Variants in ZNF892 observed in about 807,000 individuals in gnomAD.
ZNF892 encodes the protein zinc finger protein 892, also known as zinc finger protein 570-like.
At chr2:95,240,498 A>G in the ZNF892 span, among the ~76,000 whole-genome samples, 2 of 152,200 alleles carry the variant, frequency 1.3e-5, no homozygotes, top group African/African-American at 4.8e-5. Context: ...CCTAGGGTCC[A>G]ATACACAAAG....
the ZNF892 span, among the ~76,000 whole-genome samples, chr2:95,211,369 T>C: frequency 6.6e-6 from 1 of 152,224 alleles, no homozygotes; most frequent in Admixed American, 6.5e-5. Context: ...ACGTTCAAGT[T>C]TTACATTGAA....
chr2:95,215,902 A>T, the ZNF892 span, among the ~76,000 whole-genome samples: 1 of 152,226 alleles, frequency 6.6e-6, no homozygotes, highest in Non-Finnish European at 1.5e-5. Context: ...GAAACGGGAC[A>T]TCTTGACTGT....
the ZNF892 span, chr2:95,211,595 C>T: frequency 2.5e-6 from 1 of 398,394 alleles, no homozygotes; most frequent in African/African-American, 2.1e-5. Flanking sequence ...CATTGGTGAG[C>T]ACCAATGTGT....
At chr2:95,250,798 AT>A in the ZNF892 span, among the ~76,000 whole-genome samples, 1 of 145,808 alleles carries the variant, frequency 6.9e-6, no homozygotes, top group Non-Finnish European at 1.5e-5. Context: ...AATATAAAAT[AT>A]TCATAAATTA....
the ZNF892 span, among the ~76,000 whole-genome samples, chr2:95,222,109 T>C: frequency 6.6e-6 from 1 of 152,034 alleles, no homozygotes; most frequent in Admixed American, 6.6e-5. Flanking sequence ...CCTGTGCTGC[T>C]TTTTTTTAAG....
At chr2:95,255,332 A>G in the ZNF892 span, among the ~76,000 whole-genome samples, 1 of 152,062 alleles carries the variant, frequency 6.6e-6, no homozygotes, top group Admixed American at 6.5e-5. Flanking sequence ...TCATTTCGTT[A>G]CATACCCAGT....
the ZNF892 span, among the ~76,000 whole-genome samples, chr2:95,241,664 A>G: frequency 6.6e-6 from 1 of 152,190 alleles, no homozygotes; most frequent in Admixed American, 6.5e-5. Context: ...AAGAGACAGA[A>G]GTAGGCTTCA....
the ZNF892 span, among the ~76,000 whole-genome samples, chr2:95,261,845 C>T: frequency 1.5e-3 from 228 of 152,238 alleles, 7 homozygotes; most frequent in East Asian, 0.039. Flanking sequence ...TCCTCATTTG[C>T]GACTGGTCAT....
the ZNF892 span, chr2:95,214,895 T>A: frequency 2.0e-6 from 1 of 502,850 alleles, no homozygotes; most frequent in Non-Finnish European, 3.6e-6. Context: ...AAGCCTTCAG[T>A]CACCGCTCAG....
chr2:95,218,105 A>C, the ZNF892 span, among the ~76,000 whole-genome samples: 1 of 152,138 alleles, frequency 6.6e-6, no homozygotes, highest in African/African-American at 2.4e-5. Context: ...TCCCATTTAT[A>C]TTCCTGGCTT....
the ZNF892 span, among the ~76,000 whole-genome samples, chr2:95,216,384 AGAGAC>A: frequency 6.6e-6 from 1 of 152,198 alleles, no homozygotes; most frequent in Admixed American, 6.5e-5. Context: ...TGAGTACAGA[AGAGAC>A]CTTTGATGTG....
chr2:95,239,714 G>C, the ZNF892 span, among the ~76,000 whole-genome samples: 2 of 152,076 alleles, frequency 1.3e-5, no homozygotes, highest in Non-Finnish European at 2.9e-5. Flanking sequence ...TGCAACCTCA[G>C]CCTCCTGGGT....
At chr2:95,231,900 CG>C in the ZNF892 span, among the ~76,000 whole-genome samples, 1 of 152,196 alleles carries the variant, frequency 6.6e-6, no homozygotes, top group African/African-American at 2.4e-5. Context: ...AGCTGGAGAG[CG>C]GGTGCTATTG....
the ZNF892 span, among the ~76,000 whole-genome samples, chr2:95,257,534 G>A: frequency 2.6e-5 from 4 of 152,232 alleles, no homozygotes; most frequent in African/African-American, 9.6e-5. Context: ...CACTTGAGGA[G>A]GCAGTCTGTG....
the ZNF892 span, among the ~76,000 whole-genome samples, chr2:95,238,714 T>G: frequency 6.6e-6 from 1 of 152,138 alleles, no homozygotes; most frequent in Non-Finnish European, 1.5e-5. Flanking sequence ...TGAGAGGAGA[T>G]CAAATATCCA....
At chr2:95,259,474 T>C in the ZNF892 span, 1 of 152,456 alleles carries the variant, frequency 6.6e-6, no homozygotes, top group Non-Finnish European at 1.5e-5. Flanking sequence ...ACACCTACTT[T>C]GCTGTGCTTC....
the ZNF892 span, among the ~76,000 whole-genome samples, chr2:95,256,806 G>A: frequency 8.6e-5 from 13 of 151,932 alleles, no homozygotes; most frequent in Middle Eastern, 3.4e-3. Context: ...TTCTCTTCTC[G>A]CTTCATTTCA....
the ZNF892 span, chr2:95,214,273 C>T: frequency 1.0e-5 from 4 of 397,750 alleles, no homozygotes; most frequent in Non-Finnish European, 1.3e-5. Context: ...AATTTCCTAC[C>T]ACAGCAGTTA....
chr2:95,249,571 T>G, the ZNF892 span, among the ~76,000 whole-genome samples: 2 of 152,020 alleles, frequency 1.3e-5, no homozygotes, highest in African/African-American at 4.8e-5. Context: ...TAATCATTAA[T>G]AACCTTTCTT....
Sources: gnomAD v4.1 joint callset for allele counts (sites outside exome capture counted in the v4.1 genomes callset) on GRCh38, gnomAD v4.1.1 for gene constraint, MANE v1.5 for transcripts, NCBI Gene and HGNC (gene_info 2026-07-23, HGNC 2026-07-21) for gene names.